The following CD79B variants were observed in gnomAD, a reference collection of about 807,000 sequenced individuals.
CD79B encodes the protein B-cell antigen receptor complex-associated protein beta chain.
Under a neutral mutation model 30.0 loss-of-function variants are expected in CD79B, and 7 were observed. That is an observed-to-expected ratio of 0.23 (90% CI 0.13 to 0.44). The LOEUF (loss-of-function observed/expected upper bound fraction) is 0.44, where lower values mean the gene tolerates loss of function less well. Among genes scored for constraint, CD79B ranks in the 20% least tolerant of loss-of-function variants. The pLI is 1.00. For synonymous variants in CD79B, 118 were observed against 119.2 expected (o/e 0.99, Z 0.07); for missense variants, 218 against 299.1 (o/e 0.73, Z 2.00).
rs545431323 is a variant in CD79B at position 63,929,692 on chromosome 17, A to G, written c.549+78T>C. 16 of 1,102,470 alleles carry G rather than the reference A, an allele frequency of 1.5e-5. No homozygotes were observed. In the East Asian group the frequency reaches 3.6e-4, roughly 24 times the overall value. 68.3% of individuals were successfully genotyped at this position (1,102,470 alleles called of 1,614,324 possible). On this transcript the variant is annotated intron_variant, in intron 4 of 5. Coordinates refer to ENST00000006750, the MANE Select transcript of CD79B (RefSeq NM_000626.4). ...GAAGGCCACAACGAGAGCTGGGGAG[A>G]TGGAGACCCTGCATATGCCTGGCCT...
At chr17:63,931,089 C>T (rs970711605) in intron 2 of CD79B, 3 of 563,936 alleles carry the variant, frequency 5.3e-6, no homozygotes, top group Non-Finnish European at 9.8e-6. Flanking sequence ...GGCTCCCTTG[C>T]TATGACCCAG....
intron 3 of CD79B, 42 bp from the exon 4 acceptor site, chr17:63,929,930 C>T (rs1286619120): frequency 1.3e-6 from 2 of 1,560,054 alleles, no homozygotes; most frequent in Admixed American, 1.7e-5. Context: ...GGCCACAGTC[C>T]ACCTTTTAGG....
intron 1 of CD79B, 154 bp downstream of exon 1, chr17:63,932,041 C>T (rs745863301): frequency 3.4e-5 from 25 of 745,688 alleles, no homozygotes; most frequent in Non-Finnish European, 5.2e-5. Context: ...GCAGCTGACA[C>T]CCACAGACCC....
At chr17:63,931,711 G>C (rs1019576732) in intron 1 of CD79B, among the ~76,000 whole-genome samples, 1 of 151,880 alleles carries the variant, frequency 6.6e-6, no homozygotes, top group African/African-American at 2.4e-5. Context: ...TTTGAGACCA[G>C]CCTGGGCAAC....
In CD79B at chr17:63,928,912, T is replaced by G; in HGVS notation, c.*314A>C. The G allele has an allele frequency of 2.1e-6, 1 of 472,116 alleles. No homozygotes were observed. The highest frequency in any genetic ancestry group is 3.9e-6 in the Non-Finnish European group (1 of 255,326). 29.2% of individuals were successfully genotyped at this position (472,116 alleles called of 1,614,324 possible). ...TGGGAGGCCCTCGGCTCCGAGTCCA[T>G]TTGCGGGCTCTGGACCAGTCTCTGC... is the stretch of plus-strand genomic sequence containing the variant. On this transcript the variant is annotated 3_prime_UTR_variant, in exon 6 of 6. Transcript: ENST00000006750.
At chr17:63,929,714 G>T in intron 4 of CD79B, 56 bp downstream of exon 4, 3 of 1,268,464 alleles carry the variant, frequency 2.4e-6, no homozygotes, top group Non-Finnish European at 3.4e-6. Context: ...CATATGCCTG[G>T]CCTATGCGGT....
chr17:63,931,219 TG>T, intron 2 of CD79B, 115 bp downstream of exon 2: 1 of 986,546 alleles, frequency 1.0e-6, no homozygotes, highest in Non-Finnish European at 1.6e-6. Flanking sequence ...GAATCCTGGA[TG>T]GGGAGATCAG....
Position 63,932,221 on chromosome 17 carries a change from ATCCAGTGGCTGG to A in CD79B, c.29_40del (p.Pro10_Met14delinsLeu). ...TGAGAGCAGCAGCAGCAACGCCACC[ATCCAGTGGCTGG>A]GCACAGGAGACAACGCCAGCCTGGC... On this transcript the variant is annotated inframe_deletion, in exon 1 of 6. Transcript: ENST00000006750. 1 of 1,613,304 alleles carries A rather than the reference ATCCAGTGGCTGG, an allele frequency of 6.2e-7. No individual in the cohort carries two copies. The highest frequency in any genetic ancestry group is 1.7e-5 in the Admixed American group (1 of 60,026).
intron 1 of CD79B, among the ~76,000 whole-genome samples, chr17:63,931,728 A>ACACCCTG: frequency 6.7e-6 from 1 of 148,684 alleles, no homozygotes; most frequent in African/African-American, 2.5e-5. Flanking sequence ...CAACATAGGG[A>ACACCCTG]CACCCTGTCT....
chr17:63,929,679 G>T, intron 4 of CD79B, 91 bp downstream of exon 4: 1 of 1,037,888 alleles, frequency 9.6e-7, no homozygotes. Flanking sequence ...AGGCCACAAC[G>T]AGAGCTGGGG....
intron 5 of CD79B, 27 bp from the exon 6 acceptor site, chr17:63,929,351 C>T (rs767308567): frequency 4.2e-5 from 67 of 1,610,546 alleles, no homozygotes; most frequent in African/African-American, 6.7e-5. Context: ...GAACTCAGGC[C>T]GGGACCACAC....
At chr17:63,930,926 C>A in intron 2 of CD79B, 1 of 312,846 alleles carries the variant, frequency 3.2e-6, no homozygotes, top group Non-Finnish European at 6.2e-6. Flanking sequence ...GTTCCAGAAC[C>A]CTCTTTCCAG....
chr17:63,929,361 C>A (rs753885741), intron 5 of CD79B, 37 bp from the exon 6 acceptor site: 16 of 1,609,840 alleles, frequency 9.9e-6, no homozygotes, highest in Non-Finnish European at 1.4e-5. Flanking sequence ...CGGGACCACA[C>A]CCCAACCACA....
chr17:63,932,289 C>G lies in CD79B; in HGVS notation c.-28G>C, dbSNP rs766029302. 1 of 1,606,852 alleles carries G rather than the reference C, an allele frequency of 6.2e-7. No individual in the cohort carries two copies. Among genetic ancestry groups the G allele is most frequent in the South Asian group, 1.1e-5 (1 of 91,020 alleles). Reference sequence around the variant, plus strand: ...TCACCGCTCTGTCCCCGACCCCAAACCCGTGACAACGTCCGAGGCTCCTTG... The same window carrying G: ...TCACCGCTCTGTCCCCGACCCCAAAGCCGTGACAACGTCCGAGGCTCCTTG... On this transcript the variant is annotated 5_prime_UTR_variant, in exon 1 of 6. Coordinates refer to ENST00000006750, the MANE Select transcript of CD79B (RefSeq NM_000626.4).
rs1444501993 is a variant in CD79B at position 63,928,898 on chromosome 17, C to T, written c.*328G>A. On this transcript the variant is annotated 3_prime_UTR_variant, in exon 6 of 6. Transcript: ENST00000006750. ...TTCCCAAGCTCTGCTGGGAGGCCCT[C>T]GGCTCCGAGTCCATTTGCGGGCTCT... 3.7e-5 allele frequency: 17 copies of T among 457,920 alleles called. No homozygotes were observed. Among genetic ancestry groups the T allele is most frequent in the African/African-American group, 5.8e-5 (3 of 51,568 alleles). 28.4% of individuals were successfully genotyped at this position (457,920 alleles called of 1,614,324 possible). A position where few individuals can be genotyped will look rare whatever the true frequency, so the allele number is the denominator to read the frequency against.
intron 1 of CD79B, 105 bp downstream of exon 1, chr17:63,932,090 G>A: frequency 2.0e-6 from 2 of 1,020,196 alleles, no homozygotes; most frequent in Non-Finnish European, 3.0e-6. Context: ...GCGGTAAAGA[G>A]TGAGAGACAG....
chr17:63,928,912 T>C lies in CD79B; in HGVS notation c.*314A>G. 1 of 472,120 alleles carries C rather than the reference T, an allele frequency of 2.1e-6. No homozygotes were observed. The highest frequency in any genetic ancestry group is 2.2e-5 in the South Asian group (1 of 45,040). 29.2% of individuals were successfully genotyped at this position (472,120 alleles called of 1,614,324 possible). ...TGGGAGGCCCTCGGCTCCGAGTCCA[T>C]TTGCGGGCTCTGGACCAGTCTCTGC... On this transcript the variant is annotated 3_prime_UTR_variant, in exon 6 of 6. Coordinates refer to ENST00000006750, the MANE Select transcript of CD79B (RefSeq NM_000626.4).
chr17:63,929,767 C>T lies in CD79B; in HGVS notation c.549+3G>A. 1 of 1,601,660 alleles carries T rather than the reference C, an allele frequency of 6.2e-7. No homozygotes were observed. The highest frequency in any genetic ancestry group is 8.5e-7 in the Non-Finnish European group (1 of 1,172,734). ...CCCAAGGCTTCCCCCGTCCCCTGATCACCTTGTCCAGCAGCAGGAAGATAG... is the reference window on the plus strand; with the variant it reads ...CCCAAGGCTTCCCCCGTCCCCTGATTACCTTGTCCAGCAGCAGGAAGATAG... On this transcript the variant is annotated splice_donor_region_variant and intron_variant, in intron 4 of 5. Coordinates refer to ENST00000006750, the MANE Select transcript of CD79B (RefSeq NM_000626.4).
Position 63,932,049 on chromosome 17 carries a change from C to T in CD79B, c.67+146G>A, listed in dbSNP as rs911404965. ...ACCACGTGCAGCTGACACCCACAGA[C>T]CCAGGCCCCAGGGCCATGAGAGGGA... On this transcript the variant is annotated intron_variant, in intron 1 of 5. Transcript: ENST00000006750. The T allele has an allele frequency of 1.3e-5, 10 of 779,854 alleles. 1 individual carries two copies. The highest frequency in any genetic ancestry group is 4.8e-4 in the Middle Eastern group (2 of 4,182). 48.3% of individuals were successfully genotyped at this position (779,854 alleles called of 1,614,324 possible). A position where few individuals can be genotyped will look rare whatever the true frequency, so the allele number is the denominator to read the frequency against.
Sources: gnomAD v4.1 joint callset for allele counts (sites outside exome capture counted in the v4.1 genomes callset) on GRCh38, gnomAD v4.1.1 for gene constraint, MANE v1.5 for transcripts, NCBI Gene and HGNC (gene_info 2026-07-23, HGNC 2026-07-21) for gene names.